HACE1: variants seen among roughly 807,000 people sequenced by gnomAD.
The protein encoded by HACE1 is E3 ubiquitin-protein ligase HACE1.
Under a neutral mutation model 118.4 loss-of-function variants are expected in HACE1, and 73 were observed. The ratio of observed to expected loss-of-function variants is 0.62; its 90% CI spans 0.51 to 0.75. HACE1 has a LOEUF of 0.75. Among genes scored for constraint, HACE1 ranks in the 30% least tolerant of loss-of-function variants. The pLI, the probability that HACE1 is intolerant of heterozygous loss-of-function variation, is 0.00. For missense variants in HACE1, 749 were observed against 1,102.2 expected, an observed-to-expected ratio of 0.68 and a Z score of 4.54; for synonymous variants, 368 against 374.8, an observed-to-expected ratio of 0.98 and a Z score of 0.21.
chr6:104,832,998 A>G, intron 6 of HACE1, 44 bp downstream of exon 6: 1 of 1,578,136 alleles, frequency 6.3e-7, no homozygotes, highest in Non-Finnish European at 8.7e-7. Context: ...ATCAATTTTA[A>G]AAAACAAACA....
At chr6:104,786,836 CA>C (rs1782470489) in intron 11 of HACE1, 2 of 152,052 alleles carry the variant, frequency 1.3e-5, no homozygotes, top group Non-Finnish European at 2.9e-5. Flanking sequence ...CAAACTACAC[CA>C]TGTGCTACAG....
intron 14 of HACE1, among the ~76,000 whole-genome samples, chr6:104,780,927 T>C (rs1254550363): frequency 6.6e-6 from 1 of 152,158 alleles, no homozygotes; most frequent in African/African-American, 2.4e-5. Context: ...TCAGTTAATT[T>C]TGTAGAATGT....
At chr6:104,744,830 T>C (rs575616504) in intron 20 of HACE1, among the ~76,000 whole-genome samples, 129 of 152,338 alleles carry the variant, frequency 8.5e-4, no homozygotes, top group African/African-American at 3.0e-3. Context: ...TCCACATTGA[T>C]ACAATTTCAT....
In HACE1 at chr6:104,796,944, C is replaced by T. The variant is rs1467023587; in HGVS notation, c.699G>A (p.Leu233=). Residue 233 remains leucine (L), a synonymous_variant, in exon 8 of 24, where the codon CTG becomes CTA. Transcript: ENST00000262903. ...AAAAACACACCTGTACACATAAATC[C>T]AGAGGAGTTACTCCATTTTTATCTG... ...YLPDKNGVTP[L]DLCVQGGYGE... 5 of 1,570,830 alleles carry T rather than the reference C, an allele frequency of 3.2e-6. No homozygotes were observed. In the African/African-American group the frequency reaches 5.4e-5, roughly 17 times the overall value.
chr6:104,760,608 C>T lies in HACE1; in HGVS notation c.2212-10136G>A, dbSNP rs141738619. ...ATATCATACTGAATAGGGAAAAAAA[C>T]GGGAAGCATTCTCTTTGAAAACTGG... On this transcript the variant is annotated intron_variant, in intron 19 of 23. Transcript: ENST00000262903. Among the ~76,000 whole-genome samples the T allele has an allele frequency of 9.0e-3, 1,370 of 152,170 alleles. 21 individuals are homozygous for T. Among genetic ancestry groups the T allele is most frequent in the African/African-American group, 0.032 (1,318 of 41,514 alleles).
intron 6 of HACE1, among the ~76,000 whole-genome samples, chr6:104,827,407 T>C (rs1773447391): frequency 6.6e-6 from 1 of 152,174 alleles, no homozygotes; most frequent in Non-Finnish European, 1.5e-5. Context: ...AACTCACTAA[T>C]CAGTGACTGG....
intron 6 of HACE1, among the ~76,000 whole-genome samples, chr6:104,813,518 T>A (rs1771838278): frequency 7.2e-6 from 1 of 138,372 alleles, no homozygotes; most frequent in Non-Finnish European, 1.6e-5. Flanking sequence ...TTTATTTTCA[T>A]GACCAGGGAA....
chr6:104,737,872 G>A (rs1776101592), intron 22 of HACE1, among the ~76,000 whole-genome samples: 4 of 152,234 alleles, frequency 2.6e-5, no homozygotes, highest in Admixed American at 6.5e-5. Flanking sequence ...ACCTCTGGGG[G>A]CAGGGCACAG....
intron 20 of HACE1, 53 bp from the exon 21 acceptor site, chr6:104,744,663 T>C (rs996912099): frequency 4.8e-6 from 5 of 1,049,610 alleles, no homozygotes; most frequent in Non-Finnish European, 7.4e-6. Context: ...AAAAAAGTTA[T>C]TATATTTAAG....
chr6:104,754,968 C>T (rs1582674163), intron 19 of HACE1, among the ~76,000 whole-genome samples: 2 of 152,058 alleles, frequency 1.3e-5, no homozygotes, highest in East Asian at 1.9e-4. Context: ...GGGTTAAATG[C>T]CCCAATTAAA....
At chr6:104,843,464 C>T (rs766205493) in intron 4 of HACE1, among the ~76,000 whole-genome samples, 166 bp from the exon 5 acceptor site, 12 of 152,102 alleles carry the variant, frequency 7.9e-5, no homozygotes, top group Non-Finnish European at 1.2e-4. Context: ...CACTACTTGA[C>T]GCAAGATACA....
chr6:104,795,796 TTTAG>T (rs540554596), intron 9 of HACE1, 111 bp from the exon 10 acceptor site: 112 of 681,006 alleles, frequency 1.6e-4, no homozygotes, highest in Middle Eastern at 1.2e-3. Flanking sequence ...AATCAAGTCC[TTTAG>T]TTATTTTGTC....
At chr6:104,786,629 C>T (rs1035166078) in intron 11 of HACE1, 2 of 134,822 alleles carry the variant, frequency 1.5e-5, no homozygotes, top group East Asian at 4.3e-4. Context: ...AACAAACAAA[C>T]AAACAAAAAA....
In HACE1 at chr6:104,814,273, C is replaced by T. The variant is rs1485138188; in HGVS notation, c.535-2880G>A. 1.5e-5 allele frequency among the ~76,000 whole-genome samples: 2 copies of T among 137,132 alleles called. 1 individual carries two copies. Among genetic ancestry groups the T allele is most frequent in the African/African-American group, 5.9e-5 (2 of 34,082 alleles). The allele number at this position is 137,132 out of a possible 152,430, so 90.0% of individuals were successfully genotyped here. ...TCAAAAGACCTTCAACGAGGCATGT[C>T]AAAGTGAAATTTCATGATAACATCA... On this transcript the variant is annotated intron_variant, in intron 6 of 23. Transcript: ENST00000262903.
At position 104,750,618 on chromosome 6, in the gene HACE1, A is replaced by G. The variant is rs1777941353; in HGVS notation, c.2212-146T>C. 6.5e-6 allele frequency: 5 copies of G among 772,654 alleles called. No individual in the cohort carries two copies. In the South Asian group the frequency reaches 8.2e-5, roughly 13 times the overall value. 47.9% of individuals were successfully genotyped at this position (772,654 alleles called of 1,614,324 possible). On this transcript the variant is annotated intron_variant, in intron 19 of 23. Transcript: ENST00000262903. ...CATCTCAGCAAATCAGCAAGCCACT[A>G]TTCACTAAGCTGTTGAGGAAAAAAT...
chr6:104,841,398 G>C (rs1159226672), intron 5 of HACE1, among the ~76,000 whole-genome samples: 1 of 152,166 alleles, frequency 6.6e-6, no homozygotes, highest in African/African-American at 2.4e-5. Context: ...AAACTGGTTA[G>C]TGTCCTAAGG....
At chr6:104,823,500 T>C (rs1772998719) in intron 6 of HACE1, among the ~76,000 whole-genome samples, 1 of 119,720 alleles carries the variant, frequency 8.4e-6, no homozygotes, top group Non-Finnish European at 2.0e-5. Context: ...CTTTCTACTT[T>C]TCTATTTTTT....
chr6:104,788,699 G>A (rs1241107892), intron 11 of HACE1, among the ~76,000 whole-genome samples: 3 of 152,004 alleles, frequency 2.0e-5, no homozygotes, highest in African/African-American at 7.2e-5. Flanking sequence ...GCAAGACTCA[G>A]GAAGCCTAAA....
Position 104,729,011 on chromosome 6 carries a change from TG to T in HACE1, c.*650del, listed in dbSNP as rs1293239185. On this transcript the variant is annotated 3_prime_UTR_variant, in exon 24 of 24. Coordinates refer to ENST00000262903, the MANE Select transcript of HACE1 (RefSeq NM_020771.4). Reference sequence around the variant, plus strand: ...ACCATAATATATACATATGGAAAACTGGCCACTGAAAGATGCAAATAATTCA... The same window carrying T: ...ACCATAATATATACATATGGAAAACTGCCACTGAAAGATGCAAATAATTCA... The T allele has an allele frequency of 6.6e-6, 1 of 152,542 alleles. No homozygotes were observed. Among genetic ancestry groups the T allele is most frequent in the East Asian group, 1.9e-4 (1 of 5,200 alleles). The allele number at this position is 152,542 out of a possible 1,614,324, so 9.4% of individuals were successfully genotyped here.
Sources: gnomAD v4.1 joint callset for allele counts (sites outside exome capture counted in the v4.1 genomes callset) on GRCh38, gnomAD v4.1.1 for gene constraint, MANE v1.5 for transcripts, NCBI Gene and HGNC (gene_info 2026-07-23, HGNC 2026-07-21) for gene names.